GPR39: variants seen among roughly 807,000 people sequenced by gnomAD.
GPR39 encodes the protein zinc sensing receptor.
A neutral mutation model predicts 18.4 loss-of-function variants in GPR39; 23 were observed. The observed-to-expected ratio is 1.25, with a 90% CI of 0.90 to 1.77. GPR39 has a LOEUF of 1.77. GPR39 is among the 40% of genes most tolerant of loss of function. The pLI, the probability that GPR39 is intolerant of heterozygous loss-of-function variation, is 0.00. For synonymous variants in GPR39, 280 were observed against 257.9 expected, an observed-to-expected ratio of 1.09 and a Z score of -0.82; for missense variants, 647 against 602.4, an observed-to-expected ratio of 1.07 and a Z score of -0.78.
chr2:132,591,383 T>C (rs1045948854), intron 1 of GPR39, among the ~76,000 whole-genome samples: 5 of 151,954 alleles, frequency 3.3e-5, no homozygotes, highest in African/African-American at 9.7e-5. Context: ...GGACTCCAAG[T>C]TCTTCAGTTT....
At chr2:132,589,237 C>A (rs1256598095) in intron 1 of GPR39, among the ~76,000 whole-genome samples, 2 of 152,102 alleles carry the variant, frequency 1.3e-5, no homozygotes, top group Non-Finnish European at 2.9e-5. Flanking sequence ...TGCCCCTCTG[C>A]CTTCTTGGTT....
At chr2:132,500,713 CT>C (rs1227631231) in intron 1 of GPR39, among the ~76,000 whole-genome samples, 2 of 151,970 alleles carry the variant, frequency 1.3e-5, no homozygotes, top group African/African-American at 4.8e-5. Context: ...TAGTCCTGGA[CT>C]TTTTTTGTTG....
chr2:132,516,970 A>G lies in GPR39; in HGVS notation c.856+99072A>G, dbSNP rs188962806. The stretch of plus-strand genomic sequence containing the variant: ...CATTTAGAAGTCTCTAAATTTTTGT[A>G]ATAGCAAAAGATTAAAAATAACACC... On this transcript the variant is annotated intron_variant, in intron 1 of 1. Coordinates refer to ENST00000329321, the MANE Select transcript of GPR39 (RefSeq NM_001508.3). Among the ~76,000 whole-genome samples the G allele has an allele frequency of 5.9e-5, 9 of 152,334 alleles. No individual in the cohort carries two copies. The East Asian group carries it at 1.7e-3, about 29-fold the overall frequency.
chr2:132,453,932 T>A (rs4331566), intron 1 of GPR39, among the ~76,000 whole-genome samples: 26,555 of 152,156 alleles, frequency 0.17, 2,841 homozygotes, highest in East Asian at 0.5. Context: ...CCAGCTTTGT[T>A]CCTTTGGCTT....
chr2:132,645,395 G>C lies in GPR39; in HGVS notation c.1151G>C (p.Ser384Thr). 1 of 1,613,716 alleles carries C rather than the reference G, an allele frequency of 6.2e-7. No individual in the cohort carries two copies. Among genetic ancestry groups the C allele is most frequent in the African/African-American group, 1.3e-5 (1 of 75,070 alleles). The change falls in exon 2 of 2, where the codon AGC (serine) becomes ACC (threonine). Residue 384 changes from serine to threonine, a missense_variant. By Grantham distance (58) the Ser-to-Thr change is moderately conservative. Coordinates refer to ENST00000329321, the MANE Select transcript of GPR39 (RefSeq NM_001508.3). ...GTACATGCGCACTCCACCACCGACAGCGCCCGCTTTGTGCAGCGCCCGTTG... is the reference window on the plus strand; with the variant it reads ...GTACATGCGCACTCCACCACCGACACCGCCCGCTTTGTGCAGCGCCCGTTG... Reference protein sequence around the residue: ...LRVHAHSTTDSARFVQRPLLF... With the variant: ...LRVHAHSTTDTARFVQRPLLF...
At chr2:132,426,775 G>GT (rs1680125773) in intron 1 of GPR39, among the ~76,000 whole-genome samples, 1 of 152,194 alleles carries the variant, frequency 6.6e-6, no homozygotes, top group African/African-American at 2.4e-5. Context: ...CCGCAAAGGT[G>GT]GCTAGGTAGT....
At chr2:132,514,564 T>C (rs765147665) in intron 1 of GPR39, among the ~76,000 whole-genome samples, 3 of 152,180 alleles carry the variant, frequency 2.0e-5, no homozygotes, top group Non-Finnish European at 4.4e-5. Context: ...CCTCTGCCAC[T>C]TACAGTCCCC....
At chr2:132,457,585 G>T (rs1278023365) in intron 1 of GPR39, among the ~76,000 whole-genome samples, 1 of 152,210 alleles carries the variant, frequency 6.6e-6, no homozygotes. Flanking sequence ...GCTACACGGG[G>T]TTCAGGGACC....
At chr2:132,438,487 T>C (rs557308395) in intron 1 of GPR39, among the ~76,000 whole-genome samples, 15 of 151,870 alleles carry the variant, frequency 9.9e-5, no homozygotes, top group Non-Finnish European at 1.5e-4. Context: ...AGACAACCAC[T>C]TGATTCCCTT....
intron 1 of GPR39, among the ~76,000 whole-genome samples, chr2:132,478,850 T>G (rs1222457917): frequency 6.6e-6 from 1 of 152,126 alleles, no homozygotes; most frequent in African/African-American, 2.4e-5. Flanking sequence ...AAGAGGAGTA[T>G]TTAAATGTCA....
At chr2:132,459,226 CTT>C (rs34624900) in intron 1 of GPR39, among the ~76,000 whole-genome samples, 4,445 of 152,246 alleles carry the variant, frequency 0.029, 194 homozygotes, top group African/African-American at 0.097. Flanking sequence ...GTTTGTGTCT[CTT>C]GTTTAGAGTT....
rs1183416437 is a variant in GPR39 at position 132,580,981 on chromosome 2, A to T, written c.857-64120A>T. ...GTCTCAAAAAAAAAAAACAAAAAAA[A>T]AAACACCAAAAAAAAACAACAAAAA... On this transcript the variant is annotated intron_variant, in intron 1 of 1. Coordinates refer to ENST00000329321, the MANE Select transcript of GPR39 (RefSeq NM_001508.3). Among the ~76,000 whole-genome samples, 4 of 147,572 alleles carry T rather than the reference A, an allele frequency of 2.7e-5. No individual in the cohort carries two copies. The East Asian group carries it at 7.7e-4, about 28-fold the overall frequency.
At chr2:132,581,536 C>G (rs11900514) in intron 1 of GPR39, among the ~76,000 whole-genome samples, 7,689 of 152,142 alleles carry the variant, frequency 0.051, 657 homozygotes, top group African/African-American at 0.17. Context: ...CTCTATTGCT[C>G]TCCATGTCAA....
chr2:132,577,598 T>C (rs3115009), intron 1 of GPR39, among the ~76,000 whole-genome samples: 141,558 of 152,244 alleles, frequency 0.93, 65,970 homozygotes, highest in African/African-American at 0.98. Flanking sequence ...ATAAGACATA[T>C]ATGATTTGTT....
At chr2:132,633,678 G>A (rs376800345) in intron 1 of GPR39, among the ~76,000 whole-genome samples, 16 of 152,168 alleles carry the variant, frequency 1.1e-4, no homozygotes, top group Non-Finnish European at 1.9e-4. Context: ...GGTGGAGGAG[G>A]TGATGAGATA....
At chr2:132,609,043 G>A (rs1681192418) in intron 1 of GPR39, among the ~76,000 whole-genome samples, 2 of 152,320 alleles carry the variant, frequency 1.3e-5, no homozygotes, top group South Asian at 2.1e-4. Context: ...CAGTGAGAGA[G>A]GATGTTTTCC....
intron 1 of GPR39, among the ~76,000 whole-genome samples, chr2:132,541,743 A>T (rs962468353): frequency 2.0e-5 from 3 of 152,210 alleles, no homozygotes; most frequent in African/African-American, 7.2e-5. Context: ...GACAAGCCTT[A>T]TGCATCCTGG....
intron 1 of GPR39, among the ~76,000 whole-genome samples, chr2:132,635,469 C>G (rs1681735007): frequency 1.3e-5 from 2 of 152,052 alleles, no homozygotes; most frequent in South Asian, 2.1e-4. Flanking sequence ...GAAGGAGTGA[C>G]ATTTAAGCAG....
intron 1 of GPR39, among the ~76,000 whole-genome samples, chr2:132,492,783 A>G (rs910344130): frequency 3.1e-4 from 4 of 12,944 alleles, no homozygotes; most frequent in African/African-American, 3.4e-4. Flanking sequence ...TATATATACC[A>G]TATATATACC....
Sources: allele counts gnomAD v4.1 joint callset (sites outside exome capture counted in the v4.1 genomes callset), GRCh38; gene constraint gnomAD v4.1.1; transcripts MANE v1.5; gene names NCBI Gene and HGNC (gene_info 2026-07-23, HGNC 2026-07-21).